PHACTR1: variants seen among roughly 807,000 people sequenced by gnomAD.
PHACTR1 encodes phosphatase and actin regulator 1.
A neutral mutation model predicts 69.2 loss-of-function variants in PHACTR1; 16 were observed. The observed-to-expected ratio is 0.23, with a 90% CI of 0.16 to 0.35. The LOEUF (loss-of-function observed/expected upper bound fraction) is 0.35, where lower values mean the gene tolerates loss of function less well. Ranked by LOEUF, PHACTR1 falls within the 10% of genes least tolerant of loss-of-function variation. The pLI is 1.00. For missense variants in PHACTR1, 510 were observed against 734.7 expected (o/e 0.69, Z 3.54); for synonymous variants, 312 against 284.5 (o/e 1.10, Z -0.97).
chr6:12,781,864 G>T (rs1022631004), intron 4 of PHACTR1, among the ~76,000 whole-genome samples: 1 of 152,190 alleles, frequency 6.6e-6, no homozygotes, highest in Non-Finnish European at 1.5e-5. Context: ...CCAAGTGAAA[G>T]AATGCATTTA....
chr6:12,967,801 G>A lies in PHACTR1; in HGVS notation c.251-85564G>A, dbSNP rs546617121. ...AAAGTGTGCTTTGCCAAACCCAAGG[G>A]AAATTCACTCCATATGTTTCTGATT... On this transcript the variant is annotated intron_variant, in intron 4 of 14. Transcript: ENST00000332995. Among the ~76,000 whole-genome samples, 3 of 152,322 alleles carry A rather than the reference G, an allele frequency of 2.0e-5. No homozygotes were observed. In the South Asian group the frequency reaches 6.2e-4, roughly 32 times the overall value.
chr6:13,029,136 T>C (rs577024711), intron 4 of PHACTR1, among the ~76,000 whole-genome samples: 2 of 152,344 alleles, frequency 1.3e-5, no homozygotes, highest in South Asian at 4.1e-4. Context: ...CTAGATAGTA[T>C]GCCTGAGTCT....
intron 4 of PHACTR1, among the ~76,000 whole-genome samples, chr6:13,027,258 T>C (rs1801826641): frequency 6.6e-6 from 1 of 152,216 alleles, no homozygotes; most frequent in Non-Finnish European, 1.5e-5. Flanking sequence ...TTTCTTTCTT[T>C]GTCCTGCAAA....
intron 4 of PHACTR1, among the ~76,000 whole-genome samples, chr6:12,919,634 T>C (rs915243846): frequency 1.3e-5 from 2 of 152,216 alleles, no homozygotes; most frequent in Non-Finnish European, 2.9e-5. Context: ...GTTTTTCCAC[T>C]GTGATGCTTC....
chr6:13,202,008 C>G (rs1765304549), intron 7 of PHACTR1, among the ~76,000 whole-genome samples: 2 of 152,204 alleles, frequency 1.3e-5, no homozygotes, highest in Admixed American at 1.3e-4. Flanking sequence ...CCCTTTAATT[C>G]ATAGCTATGT....
Position 12,738,582 on chromosome 6 carries a change from G to A in PHACTR1, c.104-11062G>A, listed in dbSNP as rs201596292. The stretch of plus-strand genomic sequence containing the variant: ...GCATTCTAGTATAAGCAGGAGCCAG[G>A]CTGGGCATGGTGGCTCACTCCTGTA... On this transcript the variant is annotated intron_variant, in intron 3 of 14. Coordinates refer to ENST00000332995, the MANE Select transcript of PHACTR1 (RefSeq NM_030948.6). Among the ~76,000 whole-genome samples, 14 of 152,308 alleles carry A rather than the reference G, an allele frequency of 9.2e-5. No homozygotes were observed. The East Asian group carries it at 2.1e-3, about 23-fold the overall frequency.
intron 4 of PHACTR1, among the ~76,000 whole-genome samples, chr6:13,012,708 T>G (rs191168244): frequency 6.6e-6 from 1 of 152,268 alleles, no homozygotes; most frequent in Non-Finnish European, 1.5e-5. Context: ...GCACACAAGG[T>G]GATTGTGATA....
intron 10 of PHACTR1, among the ~76,000 whole-genome samples, chr6:13,257,440 T>A (rs2127411375): frequency 6.6e-6 from 1 of 152,306 alleles, no homozygotes; most frequent in South Asian, 2.1e-4. Context: ...CATAATCATC[T>A]TTCTAATTCC....
intron 4 of PHACTR1, among the ~76,000 whole-genome samples, chr6:12,768,317 T>C (rs1768926089): frequency 6.6e-6 from 1 of 152,086 alleles, no homozygotes; most frequent in Non-Finnish European, 1.5e-5. Context: ...GGTTTCACCG[T>C]GTTAGACAGG....
chr6:13,028,408 G>A (rs1801996894), intron 4 of PHACTR1, among the ~76,000 whole-genome samples: 1 of 152,190 alleles, frequency 6.6e-6, no homozygotes, highest in Non-Finnish European at 1.5e-5. Flanking sequence ...AGTTAACAGA[G>A]ATATAAATGC....
At chr6:13,228,336 T>A (rs1770162114) in intron 9 of PHACTR1, among the ~76,000 whole-genome samples, 1 of 152,206 alleles carries the variant, frequency 6.6e-6, no homozygotes, top group African/African-American at 2.4e-5. Flanking sequence ...GGCTTCTTTG[T>A]TGCTTCTCTT....
intron 4 of PHACTR1, among the ~76,000 whole-genome samples, chr6:13,018,277 G>C (rs1800465276): frequency 6.6e-6 from 1 of 152,148 alleles, no homozygotes; most frequent in African/African-American, 2.4e-5. Context: ...CCACCATTTG[G>C]TGTCAGGGCT....
intron 5 of PHACTR1, among the ~76,000 whole-genome samples, chr6:13,154,945 T>TC: frequency 1.3e-5 from 2 of 152,240 alleles, no homozygotes; most frequent in Non-Finnish European, 2.9e-5. Flanking sequence ...TTTTCTTTTT[T>TC]CCCCATATCA....
At position 13,287,263 on chromosome 6, in the gene PHACTR1, C is replaced by T. The variant is rs190878673; in HGVS notation, c.*185C>T. On this transcript the variant is annotated 3_prime_UTR_variant, in exon 15 of 15. Transcript: ENST00000332995. ...GTGTGAAAACGCAAAAGTGATGGCT[C>T]GGCGGTCCGAGCTGCTGGTCCCACT... The T allele has an allele frequency of 5.0e-4, 326 of 658,054 alleles. 2 individuals are homozygous for T. The highest frequency in any genetic ancestry group is 5.6e-4 in the Non-Finnish European group (224 of 397,124). 40.8% of individuals were successfully genotyped at this position (658,054 alleles called of 1,614,324 possible). A position where few individuals can be genotyped will look rare whatever the true frequency, so the allele number is the denominator to read the frequency against.
intron 4 of PHACTR1, among the ~76,000 whole-genome samples, chr6:12,843,773 T>C (rs751834610): frequency 6.6e-6 from 1 of 152,234 alleles, no homozygotes; most frequent in Non-Finnish European, 1.5e-5. Flanking sequence ...GACTTCATAG[T>C]AGGTATGACA....
chr6:12,725,555 G>C (rs1392903014), intron 3 of PHACTR1, among the ~76,000 whole-genome samples: 1 of 152,136 alleles, frequency 6.6e-6, no homozygotes, highest in Non-Finnish European at 1.5e-5. Context: ...CATATAAATG[G>C]CTTTACTTCT....
At chr6:13,050,769 T>G (rs1228694078) in intron 4 of PHACTR1, among the ~76,000 whole-genome samples, 1 of 152,224 alleles carries the variant, frequency 6.6e-6, no homozygotes, top group Non-Finnish European at 1.5e-5. Flanking sequence ...CTATTCTGCT[T>G]CTTCCTTTAT....
intron 4 of PHACTR1, among the ~76,000 whole-genome samples, chr6:12,931,003 CAAAAAAAAAA>C (rs34965562): frequency 8.1e-5 from 7 of 86,190 alleles, no homozygotes; most frequent in African/African-American, 1.9e-4. Context: ...AACTCTGTCT[CAAAAAAAAAA>C]AAAAAAAAAA....
intron 4 of PHACTR1, among the ~76,000 whole-genome samples, chr6:12,769,899 C>T (rs185109905): frequency 1.4e-4 from 22 of 152,336 alleles, no homozygotes; most frequent in Admixed American, 5.2e-4. Context: ...ATTTGTCCCA[C>T]GCCATAGTTC....
Sources: gnomAD v4.1 joint callset for allele counts (sites outside exome capture counted in the v4.1 genomes callset) on GRCh38, gnomAD v4.1.1 for gene constraint, MANE v1.5 for transcripts, NCBI Gene and HGNC (gene_info 2026-07-23, HGNC 2026-07-21) for gene names.